Variants in SMYD1 observed in about 807,000 individuals in gnomAD.
The protein encoded by SMYD1 is SET and MYND domain containing 1.
A neutral mutation model predicts 54.0 loss-of-function variants in SMYD1; 49 were observed. That is an observed-to-expected ratio of 0.91 (90% CI 0.72 to 1.15). The LOEUF is 1.15. SMYD1 is among the 50% of genes most tolerant of loss of function. SMYD1 has a pLI of 0.00. For missense variants in SMYD1, 653 were observed against 639.6 expected (o/e 1.02, Z -0.23); for synonymous variants, 269 against 234.2 (o/e 1.15, Z -1.36).
chr2:88,094,415 G>A (rs2970906), intron 5 of SMYD1, among the ~76,000 whole-genome samples: 53,535 of 151,928 alleles, frequency 0.35, 9,544 homozygotes, highest in Middle Eastern at 0.46. Flanking sequence ...GCTGAACTAT[G>A]GAATTGCAGA....
chr2:88,098,850 C>A (rs1337633278), intron 6 of SMYD1, among the ~76,000 whole-genome samples: 1 of 152,108 alleles, frequency 6.6e-6, no homozygotes, highest in African/African-American at 2.4e-5. Flanking sequence ...AATGCTGTAC[C>A]CCACCCTGAT....
At chr2:88,103,607 C>T (rs1458015072) in intron 7 of SMYD1, among the ~76,000 whole-genome samples, 1 of 152,156 alleles carries the variant, frequency 6.6e-6, no homozygotes, top group Admixed American at 6.5e-5. Context: ...ACACTAGAAT[C>T]ACCTTTGAAA....
Position 88,088,011 on chromosome 2 carries a change from T to G in SMYD1, c.464T>G (p.Leu155Trp), listed in dbSNP as rs1674376860. Residue 155 changes from leucine (L) to tryptophan (W), a missense_variant, in exon 3 of 10, where the codon TTG becomes TGG. By Grantham distance (61) the Leu-to-Trp change is moderately conservative. Transcript: ENST00000419482. The part of the protein sequence containing the change: ...KDLRVDVDTF[L>W]QYWPPQSQQF... The stretch of plus-strand genomic sequence containing the variant: ...CTGCGGGTGGACGTGGACACATTCT[T>G]GCAGTACTGGCCGCCGCAGAGCCAG... 1 of 1,614,054 alleles carries G rather than the reference T, an allele frequency of 6.2e-7. No homozygotes were observed. Among genetic ancestry groups the G allele is most frequent in the Non-Finnish European group, 8.5e-7 (1 of 1,180,036 alleles).
chr2:88,073,585 A>T (rs566739759), intron 1 of SMYD1, among the ~76,000 whole-genome samples: 4 of 152,292 alleles, frequency 2.6e-5, no homozygotes, highest in Non-Finnish European at 5.9e-5. Flanking sequence ...TATATCTCTG[A>T]TTATGTATTA....
chr2:88,074,852 G>A (rs1674024707), intron 1 of SMYD1, among the ~76,000 whole-genome samples: 2 of 152,176 alleles, frequency 1.3e-5, no homozygotes, highest in African/African-American at 2.4e-5. Context: ...CCAGTTATGA[G>A]CTTTCTTAGG....
rs1674998226 is a variant in SMYD1, at chr2:88,110,551, C to G, written c.*39C>G. ...GAGGAGGGGCGATGTGGCTGGGGAG[C>G]TAGGGAGAGACTCTGGAGGTGGTGG... On this transcript the variant is annotated 3_prime_UTR_variant, in exon 10 of 10. Coordinates refer to ENST00000419482, the MANE Select transcript of SMYD1 (RefSeq NM_198274.4). 1 of 1,513,792 alleles carries G rather than the reference C, an allele frequency of 6.6e-7. No homozygotes were observed. The highest frequency in any genetic ancestry group is 8.9e-7 in the Non-Finnish European group (1 of 1,124,040). The allele number at this position is 1,513,792 out of a possible 1,614,324, so 93.8% of individuals were successfully genotyped here. A position where few individuals can be genotyped will look rare whatever the true frequency, so the allele number is the denominator to read the frequency against.
At chr2:88,089,783 G>T (rs868281973) in intron 3 of SMYD1, among the ~76,000 whole-genome samples, 1 of 151,580 alleles carries the variant, frequency 6.6e-6, no homozygotes, top group East Asian at 1.9e-4. Flanking sequence ...ATAGAAGCAG[G>T]GTTTCACCAT....
chr2:88,080,992 T>TC (rs555594660), intron 1 of SMYD1, among the ~76,000 whole-genome samples: 11 of 151,606 alleles, frequency 7.3e-5, no homozygotes, highest in Non-Finnish European at 1.2e-4. Flanking sequence ...AACCTCTGCC[T>TC]CCCTGGTTCA....
chr2:88,104,035 C>T (rs1351968364), intron 7 of SMYD1, among the ~76,000 whole-genome samples: 17 of 148,836 alleles, frequency 1.1e-4, no homozygotes, highest in Middle Eastern at 3.5e-3. Context: ...GGCACGATTT[C>T]GGCTCACTGC....
At chr2:88,097,122 TTCC>T (rs1231683068) in intron 6 of SMYD1, among the ~76,000 whole-genome samples, 1 of 152,202 alleles carries the variant, frequency 6.6e-6, no homozygotes, top group African/African-American at 2.4e-5. Context: ...GAAATTTTGG[TTCC>T]TCCTCTTACT....
rs368824953 is a variant in SMYD1, at chr2:88,067,840, C to T, written c.-25C>T. The T allele has an allele frequency of 1.1e-5, 17 of 1,608,500 alleles. No individual in the cohort carries two copies. In the African/African-American group the frequency reaches 1.9e-4, roughly 18 times the overall value. On this transcript the variant is annotated 5_prime_UTR_variant, in exon 1 of 10. Transcript: ENST00000419482. ...GACTTGGCTCAGTGTTAAATAACTGCCGCGCTGGCCTGACAGTCTCTGAGA... is the reference window on the plus strand; with the variant it reads ...GACTTGGCTCAGTGTTAAATAACTGTCGCGCTGGCCTGACAGTCTCTGAGA...
chr2:88,108,270 C>A, intron 8 of SMYD1, 101 bp from the exon 9 acceptor site: 2 of 1,207,962 alleles, frequency 1.7e-6, no homozygotes, highest in Non-Finnish European at 2.2e-6. Context: ...GAGGGGAAGA[C>A]AGATGGGCTT....
At chr2:88,093,151 A>C (rs1286115273) in intron 4 of SMYD1, among the ~76,000 whole-genome samples, 1 of 152,166 alleles carries the variant, frequency 6.6e-6, no homozygotes, top group East Asian at 1.9e-4. Context: ...ATGTTTATTC[A>C]CCCAGGATGC....
In SMYD1 at chr2:88,096,702, A is replaced by G. The variant is rs1406967577; in HGVS notation, c.806A>G (p.Gln269Arg). 3.1e-6 allele frequency: 5 copies of G among 1,614,246 alleles called. No individual in the cohort carries two copies. Among genetic ancestry groups the G allele is most frequent in the Non-Finnish European group, 4.2e-6 (5 of 1,180,050 alleles). ...SEERKRQLKKQYYFDCTCEHC... is the reference protein window; with the variant it reads ...SEERKRQLKKRYYFDCTCEHC... ...GAACGCAAGAGGCAGCTGAAGAAGC[A>G]GTACTACTTTGACTGCACATGTGAA... Residue 269 changes from glutamine (Q) to arginine (R), a missense_variant, in exon 6 of 10, where the codon CAG (glutamine) becomes CGG (arginine). Coordinates refer to ENST00000419482, the MANE Select transcript of SMYD1 (RefSeq NM_198274.4).
chr2:88,081,831 G>T (rs1370868980), intron 1 of SMYD1, among the ~76,000 whole-genome samples: 1 of 152,164 alleles, frequency 6.6e-6, no homozygotes. Context: ...CATCTGAATA[G>T]CACACTCTGT....
intron 3 of SMYD1, among the ~76,000 whole-genome samples, chr2:88,088,530 C>T (rs1256926033): frequency 6.6e-6 from 1 of 152,144 alleles, no homozygotes; most frequent in Non-Finnish European, 1.5e-5. Context: ...TGTCTTCTGG[C>T]CTTGTTTACT....
At chr2:88,092,236 G>A (rs1240523535) in intron 4 of SMYD1, among the ~76,000 whole-genome samples, 3 of 152,108 alleles carry the variant, frequency 2.0e-5, no homozygotes, top group Non-Finnish European at 2.9e-5. Context: ...AACCCTCAGA[G>A]GCCAGCCCCC....
intron 8 of SMYD1, among the ~76,000 whole-genome samples, chr2:88,108,038 G>A (rs1350664013): frequency 3.3e-5 from 5 of 152,228 alleles, no homozygotes; most frequent in African/African-American, 7.2e-5. Context: ...CGTCGCTGAC[G>A]CTGGGAGCTG....
At chr2:88,106,047 T>C (rs540937074) in intron 7 of SMYD1, among the ~76,000 whole-genome samples, 50 of 152,266 alleles carry the variant, frequency 3.3e-4, no homozygotes, top group African/African-American at 1.1e-3. Context: ...TGTGTGTGTA[T>C]GTATAGCTTT....
Sources: gnomAD v4.1 joint callset for allele counts (sites outside exome capture counted in the v4.1 genomes callset) on GRCh38, gnomAD v4.1.1 for gene constraint, MANE v1.5 for transcripts, NCBI Gene and HGNC (gene_info 2026-07-23, HGNC 2026-07-21) for gene names.